The following MTMR14 variants were observed in gnomAD, a reference collection of about 807,000 sequenced individuals.
MTMR14 encodes the protein phosphatidylinositol-3,5-bisphosphate 3-phosphatase MTMR14.
In MTMR14, 48 loss-of-function variants were observed where a neutral mutation model predicts 86.3. That is an observed-to-expected ratio of 0.56 (90% CI 0.44 to 0.71). The LOEUF (loss-of-function observed/expected upper bound fraction) is 0.71, where lower values mean the gene tolerates loss of function less well. Among genes scored for constraint, MTMR14 ranks in the 30% least tolerant of loss-of-function variants. The pLI, the probability that MTMR14 is intolerant of heterozygous loss-of-function variation, is 0.00. For missense variants in MTMR14, 780 were observed against 834.6 expected (o/e 0.93, Z 0.81); for synonymous variants, 366 against 326.1 (o/e 1.12, Z -1.32).
At chr3:9,682,948 C>G (rs1575036659) in intron 9 of MTMR14, among the ~76,000 whole-genome samples, 1 of 151,986 alleles carries the variant, frequency 6.6e-6, no homozygotes, top group Non-Finnish European at 1.5e-5. Flanking sequence ...CCCCCCGCCC[C>G]CGCCCCCCGA....
Position 9,669,161 on chromosome 3 carries a change from G to A in MTMR14, c.494-271G>A, listed in dbSNP as rs527461402. 4.6e-5 allele frequency among the ~76,000 whole-genome samples: 7 copies of A among 151,532 alleles called. No homozygotes were observed. The South Asian group carries it at 1.3e-3, about 27-fold the overall frequency. Reference sequence around the variant, plus strand: ...TCTCAAAAAAAAAAAAAAAAGAATAGCCACCCATGACCACAATAGTATAGG... The same window carrying A: ...TCTCAAAAAAAAAAAAAAAAGAATAACCACCCATGACCACAATAGTATAGG... On this transcript the variant is annotated intron_variant, in intron 4 of 18. Coordinates refer to ENST00000296003, the MANE Select transcript of MTMR14 (RefSeq NM_001077525.3).
At chr3:9,680,653 G>A (rs964527239) in intron 9 of MTMR14, among the ~76,000 whole-genome samples, 7 of 152,286 alleles carry the variant, frequency 4.6e-5, no homozygotes, top group Admixed American at 4.6e-4. Flanking sequence ...AGACCATCGT[G>A]GCTAACACAG....
intron 10 of MTMR14, 123 bp from the exon 11 acceptor site, chr3:9,684,462 A>G (rs2075868624): frequency 2.3e-6 from 2 of 887,154 alleles, no homozygotes; most frequent in Admixed American, 1.7e-5. Flanking sequence ...TGGGGAGGCC[A>G]CTGGGGAAGA....
intron 7 of MTMR14, 97 bp downstream of exon 7, chr3:9,672,855 G>A: frequency 8.7e-7 from 1 of 1,152,506 alleles, no homozygotes; most frequent in South Asian, 1.2e-5. Context: ...CGCCCTGGGA[G>A]CTTTCCTGGA....
intron 9 of MTMR14, among the ~76,000 whole-genome samples, chr3:9,682,337 G>T (rs1252068794): frequency 6.6e-6 from 1 of 152,148 alleles, no homozygotes; most frequent in African/African-American, 2.4e-5. Context: ...CCCTCCCCCT[G>T]GGAAGTGCTG....
Position 9,649,642 on chromosome 3 carries a change from G to A in MTMR14, c.59G>A (p.Gly20Asp). 1 of 1,574,240 alleles carries A rather than the reference G, an allele frequency of 6.4e-7. No individual in the cohort carries two copies. Reference sequence around the variant, plus strand: ...TCGGCGGGGTCCTCGGCCTCTTCAGGCAACCAGCCGCCTCAGGAGCTGGGG... The same window carrying A: ...TCGGCGGGGTCCTCGGCCTCTTCAGACAACCAGCCGCCTCAGGAGCTGGGG... ...AASAGSSASS[G>D]NQPPQELGLG... Residue 20 changes from glycine to aspartate, a missense_variant, in exon 1 of 19, where the codon GGC (glycine) becomes GAC (aspartate). Coordinates refer to ENST00000296003, the MANE Select transcript of MTMR14 (RefSeq NM_001077525.3).
At chr3:9,680,087 C>T (rs183743855) in intron 9 of MTMR14, among the ~76,000 whole-genome samples, 2 of 152,346 alleles carry the variant, frequency 1.3e-5, no homozygotes, top group East Asian at 3.9e-4. Context: ...CTCTCTGATC[C>T]ATACCTGCAT....
intron 2 of MTMR14, among the ~76,000 whole-genome samples, chr3:9,656,635 G>T (rs2047623435): frequency 1.3e-5 from 2 of 152,112 alleles, no homozygotes; most frequent in African/African-American, 4.8e-5. Flanking sequence ...GGCCAGGCTA[G>T]TCTCAACTCC....
In MTMR14 at chr3:9,697,753, CTA is replaced by C. The variant is rs1328150009; in HGVS notation, c.1658_1659del (p.Tyr553TrpfsTer31). 1.9e-6 allele frequency: 3 copies of C among 1,614,078 alleles called. No homozygotes were observed. Among genetic ancestry groups the C allele is most frequent in the Non-Finnish European group, 2.5e-6 (3 of 1,180,048 alleles). ...TGCCCGGATCCTCTCTCTCCACAGA[CTA>C]TGGCAGCTGGCAGATGGTAACGGGC... ...PLPGSSLSTD[Y>X]GSWQMVTGCG... On this transcript the variant is annotated frameshift_variant, in exon 18 of 19. Coordinates refer to ENST00000296003, the MANE Select transcript of MTMR14 (RefSeq NM_001077525.3). LOFTEE classifies it high-confidence loss of function.
In MTMR14 at chr3:9,691,815, C is replaced by T. The variant is rs548150034; in HGVS notation, c.1613+1672C>T. Among the ~76,000 whole-genome samples, 30 of 152,300 alleles carry T rather than the reference C, an allele frequency of 2.0e-4. No homozygotes were observed. In the South Asian group the frequency reaches 5.8e-3, roughly 30 times the overall value. Reference sequence around the variant, plus strand: ...GGGTTGTCCTCCTGACCTCAGAGCCCTGCACATGGGGGCTTGGCCAAGCTT... The same window carrying T: ...GGGTTGTCCTCCTGACCTCAGAGCCTTGCACATGGGGGCTTGGCCAAGCTT... On this transcript the variant is annotated intron_variant, in intron 17 of 18. Transcript: ENST00000296003.
At chr3:9,661,942 C>G (rs1337324969) in intron 2 of MTMR14, among the ~76,000 whole-genome samples, 1 of 151,816 alleles carries the variant, frequency 6.6e-6, no homozygotes, top group African/African-American at 2.4e-5. Context: ...AAAAAATTAC[C>G]CAGGTGTGGT....
intron 3 of MTMR14, among the ~76,000 whole-genome samples, chr3:9,662,881 T>C (rs377610382): frequency 1.3e-5 from 2 of 152,256 alleles, no homozygotes; most frequent in South Asian, 2.1e-4. Flanking sequence ...TAAGGACTTT[T>C]GTTAATTTAA....
At chr3:9,693,368 T>C (rs1354821000) in intron 17 of MTMR14, among the ~76,000 whole-genome samples, 1 of 152,228 alleles carries the variant, frequency 6.6e-6, no homozygotes, top group Non-Finnish European at 1.5e-5. Context: ...CAAGTGACTC[T>C]TGAACAATGC....
In MTMR14 at chr3:9,662,260, G is replaced by A; in HGVS notation, c.309-7G>A. On this transcript the variant is annotated splice_region_variant and splice_polypyrimidine_tract_variant and intron_variant, in intron 2 of 18. Coordinates refer to ENST00000296003, the MANE Select transcript of MTMR14 (RefSeq NM_001077525.3). Reference sequence around the variant, plus strand: ...AGCTTGACCTGCTTCTCTTGCCTGTGTGTTAGGTTTGAGAGTACCGTACAG... The same window carrying A: ...AGCTTGACCTGCTTCTCTTGCCTGTATGTTAGGTTTGAGAGTACCGTACAG... 2.5e-6 allele frequency: 4 copies of A among 1,612,374 alleles called. No homozygotes were observed. The highest frequency in any genetic ancestry group is 1.1e-5 in the South Asian group (1 of 91,020).
chr3:9,666,462 A>T (rs1196250804), intron 3 of MTMR14, among the ~76,000 whole-genome samples: 1 of 152,354 alleles, frequency 6.6e-6, no homozygotes, highest in Middle Eastern at 3.4e-3. Flanking sequence ...CCTACTTAAG[A>T]TATGCTTTAA....
chr3:9,677,281 G>A lies in MTMR14; in HGVS notation c.752-36G>A. ...GCTGTCTCAGAAGACTTTGGGCTGG[G>A]AAGGGAGATGTCATAACTCTGCCCT... On this transcript the variant is annotated intron_variant, in intron 7 of 18. Transcript: ENST00000296003. The surrounding 1 kb of genome is among the most constrained non-coding windows in gnomAD (Gnocchi z 4.2). 1 of 1,603,050 alleles carries A rather than the reference G, an allele frequency of 6.2e-7. No individual in the cohort carries two copies. The highest frequency in any genetic ancestry group is 8.5e-7 in the Non-Finnish European group (1 of 1,170,100).
chr3:9,651,568 A>G (rs896882030), intron 1 of MTMR14, among the ~76,000 whole-genome samples: 4 of 152,192 alleles, frequency 2.6e-5, no homozygotes, highest in African/African-American at 9.7e-5. Flanking sequence ...TTAGATGTAT[A>G]TATATTTATA....
chr3:9,678,305 A>G (rs536809420), intron 9 of MTMR14, among the ~76,000 whole-genome samples: 1 of 152,208 alleles, frequency 6.6e-6, no homozygotes, highest in Admixed American at 6.5e-5. Flanking sequence ...TGCATCCACC[A>G]GGGGGTTCTG....
chr3:9,674,091 C>T (rs941566623), intron 7 of MTMR14, among the ~76,000 whole-genome samples: 1 of 152,194 alleles, frequency 6.6e-6, no homozygotes, highest in Admixed American at 6.5e-5. Flanking sequence ...TAGTTTCCAG[C>T]TCCCAGGAGA....
Sources: allele counts gnomAD v4.1 joint callset (sites outside exome capture counted in the v4.1 genomes callset), GRCh38; gene constraint gnomAD v4.1.1; non-coding constraint Gnocchi (gnomAD v3.1); transcripts MANE v1.5; gene names NCBI Gene and HGNC (gene_info 2026-07-23, HGNC 2026-07-21).